The following KLRD1 variants were observed in gnomAD, a reference collection of about 807,000 sequenced individuals.
KLRD1 encodes natural killer cells antigen CD94.
Under a neutral mutation model 22.6 loss-of-function variants are expected in KLRD1, and 21 were observed. That is an observed-to-expected ratio of 0.93 (90% CI 0.66 to 1.34). The LOEUF (loss-of-function observed/expected upper bound fraction) is 1.34. Among genes scored for constraint, KLRD1 ranks in the 40% most tolerant of loss-of-function variants. KLRD1 has a pLI of 0.00. For synonymous variants in KLRD1, 59 were observed against 71.1 expected (o/e 0.83, Z 0.85); for missense variants, 183 against 208.6 (o/e 0.88, Z 0.76).
rs1565479722 is a variant in KLRD1, at chr12:10,325,594, T to G, written c.*10801T>G. The G allele has an allele frequency of 6.6e-6, 1 of 152,238 alleles. No individual in the cohort carries two copies. Among genetic ancestry groups the G allele is most frequent in the Non-Finnish European group, 1.5e-5 (1 of 68,034 alleles). 9.4% of individuals were successfully genotyped at this position (152,238 alleles called of 1,614,324 possible). A position where few individuals can be genotyped will look rare whatever the true frequency, so the allele number is the denominator to read the frequency against. ...TTTATAAGCTTGACCACTTTAGATA[T>G]TTCACGTAAGTGGAATCATATAGTA... On this transcript the variant is annotated 3_prime_UTR_variant, in exon 6 of 6. Transcript: ENST00000336164.
intron 1 of KLRD1, among the ~76,000 whole-genome samples, chr12:10,263,663 T>A (rs780784433): frequency 2.6e-5 from 4 of 152,060 alleles, no homozygotes; most frequent in Non-Finnish European, 5.9e-5. Context: ...AAGTTTCAGT[T>A]TAGTCCTGTA....
intron 1 of KLRD1, among the ~76,000 whole-genome samples, chr12:10,273,873 G>GT (rs1949569822): frequency 2.0e-5 from 3 of 152,094 alleles, no homozygotes; most frequent in African/African-American, 7.2e-5. Context: ...GCAAGGACAA[G>GT]TAGAAAGCAT....
intron 3 of KLRD1, 29 bp downstream of exon 3, chr12:10,309,717 A>G (rs764642617): frequency 4.0e-6 from 6 of 1,509,178 alleles, no homozygotes; most frequent in South Asian, 1.1e-5. Flanking sequence ...AAAACTTAGC[A>G]TTGGTAAAAG....
chr12:10,258,677 CAT>C (rs1369817513), intron 1 of KLRD1, among the ~76,000 whole-genome samples: 4 of 152,150 alleles, frequency 2.6e-5, no homozygotes, highest in Non-Finnish European at 5.9e-5. Flanking sequence ...CTTCCAAAGA[CAT>C]ATATGTCTCA....
chr12:10,303,558 A>G (rs1949884921), upstream of KLRD1, among the ~76,000 whole-genome samples: 1 of 152,188 alleles, frequency 6.6e-6, no homozygotes, highest in Non-Finnish European at 1.5e-5. Context: ...TCCTTTACAG[A>G]TGTAATTTTC....
chr12:10,310,167 A>G (rs1390847162), intron 3 of KLRD1, among the ~76,000 whole-genome samples: 2 of 152,208 alleles, frequency 1.3e-5, no homozygotes, highest in Non-Finnish European at 2.9e-5. Context: ...GCTGGAGTGC[A>G]GTGGCACGAT....
At chr12:10,239,649 C>T (rs773003876) in intron 1 of KLRD1, among the ~76,000 whole-genome samples, 4 of 143,262 alleles carry the variant, frequency 2.8e-5, no homozygotes, top group African/African-American at 5.2e-5. Flanking sequence ...TTTGTTTGTT[C>T]GTTCATTTTT....
At chr12:10,313,175 T>A (rs1230687149) in intron 4 of KLRD1, among the ~76,000 whole-genome samples, 1 of 152,144 alleles carries the variant, frequency 6.6e-6, no homozygotes, top group Non-Finnish European at 1.5e-5. Context: ...TTAGAAGGTT[T>A]TTAATTCTTC....
chr12:10,318,965 T>C lies in KLRD1; in HGVS notation c.*4172T>C, dbSNP rs1949348940. 1 of 152,154 alleles carries C rather than the reference T, an allele frequency of 6.6e-6. No homozygotes were observed. Among genetic ancestry groups the C allele is most frequent in the African/African-American group, 2.4e-5 (1 of 41,436 alleles). The allele number at this position is 152,154 out of a possible 1,614,324, so 9.4% of individuals were successfully genotyped here. Reference sequence around the variant, plus strand: ...AATTTTGGACTTTCTGAAACTTTTCTCTTTATATCCTAACGCAGGGGTTGA... The same window carrying C: ...AATTTTGGACTTTCTGAAACTTTTCCCTTTATATCCTAACGCAGGGGTTGA... On this transcript the variant is annotated 3_prime_UTR_variant, in exon 6 of 6. Coordinates refer to ENST00000336164, the MANE Select transcript of KLRD1 (RefSeq NM_002262.5).
rs546108018 is a variant in KLRD1, at chr12:10,293,180, A to G, written c.-100-14798A>G. Reference sequence around the variant, plus strand: ...TCCATATATATATACACATATACACATAATTCGCATGCTCACTGGCATAGC... The same window carrying G: ...TCCATATATATATACACATATACACGTAATTCGCATGCTCACTGGCATAGC... On this transcript the variant is annotated intron_variant, in intron 1 of 5. Coordinates refer to the KLRD1 transcript ENST00000544747. Among the ~76,000 whole-genome samples the G allele has an allele frequency of 8.4e-3, 1,128 of 133,712 alleles. 38 individuals are homozygous for G. Among genetic ancestry groups the G allele is most frequent in the African/African-American group, 0.029 (1,081 of 36,684 alleles). 87.7% of individuals were successfully genotyped at this position (133,712 alleles called of 152,430 possible). A position where few individuals can be genotyped will look rare whatever the true frequency, so the allele number is the denominator to read the frequency against.
In KLRD1 at chr12:10,318,223, G is replaced by A. The variant is rs1950271414; in HGVS notation, c.*3430G>A. 1 of 152,208 alleles carries A rather than the reference G, an allele frequency of 6.6e-6. No individual in the cohort carries two copies. The highest frequency in any genetic ancestry group is 1.5e-5 in the Non-Finnish European group (1 of 68,040). The allele number at this position is 152,208 out of a possible 1,614,324, so 9.4% of individuals were successfully genotyped here. A position where few individuals can be genotyped will look rare whatever the true frequency, so the allele number is the denominator to read the frequency against. The stretch of plus-strand genomic sequence containing the variant: ...GTGTCTGTTTTTGACTCTTGGCCAT[G>A]ATATGGGTAGTAGGCTAACTAACTA... On this transcript the variant is annotated 3_prime_UTR_variant, in exon 6 of 6. Coordinates refer to ENST00000336164, the MANE Select transcript of KLRD1 (RefSeq NM_002262.5).
chr12:10,315,244 A>G lies in KLRD1; in HGVS notation c.*451A>G, dbSNP rs1950197073. The G allele has an allele frequency of 2.3e-6, 1 of 428,422 alleles. No homozygotes were observed. The highest frequency in any genetic ancestry group is 4.7e-6 in the Non-Finnish European group (1 of 214,388). 26.5% of individuals were successfully genotyped at this position (428,422 alleles called of 1,614,324 possible). Reference sequence around the variant, plus strand: ...AGTGATCCTCCTGACTCAGCCTCCCAAGTAGCTAGGACTGCAGGCACCATG... The same window carrying G: ...AGTGATCCTCCTGACTCAGCCTCCCGAGTAGCTAGGACTGCAGGCACCATG... On this transcript the variant is annotated 3_prime_UTR_variant, in exon 6 of 6. Coordinates refer to ENST00000336164, the MANE Select transcript of KLRD1 (RefSeq NM_002262.5).
At chr12:10,274,475 A>G (rs111365814) in intron 1 of KLRD1, among the ~76,000 whole-genome samples, 1,814 of 152,280 alleles carry the variant, frequency 0.012, 35 homozygotes, top group African/African-American at 0.042. Context: ...GTCTTTTAAT[A>G]ATAATCAAAG....
chr12:10,278,266 T>C (rs1205961119), intron 1 of KLRD1, among the ~76,000 whole-genome samples: 2 of 152,200 alleles, frequency 1.3e-5, no homozygotes, highest in Non-Finnish European at 1.5e-5. Flanking sequence ...TCCAGTCTTA[T>C]CAGCCAACTC....
intron 1 of KLRD1, among the ~76,000 whole-genome samples, chr12:10,286,753 C>A (rs932940887): frequency 1.5e-5 from 2 of 136,928 alleles, no homozygotes; most frequent in African/African-American, 5.4e-5. Flanking sequence ...AAGTCATGCT[C>A]CCATCTTGGC....
chr12:10,304,405 AC>A (rs2137680121), upstream of KLRD1: 1 of 152,132 alleles, frequency 6.6e-6, no homozygotes, highest in East Asian at 1.9e-4. Context: ...GCCTCCATAA[AC>A]CCACAGATTC....
rs144774366 is a variant in KLRD1, at chr12:10,309,561, G to A, written c.101-65G>A. On this transcript the variant is annotated intron_variant, in intron 2 of 5. Transcript: ENST00000336164. ...ATAATAAAGGCTTCATCTTGCTAATGTGTAATATTTTAGTATTTCATAAAC... is the reference window on the plus strand; with the variant it reads ...ATAATAAAGGCTTCATCTTGCTAATATGTAATATTTTAGTATTTCATAAAC... The A allele has an allele frequency of 7.7e-4, 1,010 of 1,311,212 alleles. 7 individuals are homozygous for A. In the African/African-American group the frequency reaches 0.013, roughly 16 times the overall value. 81.2% of individuals were successfully genotyped at this position (1,311,212 alleles called of 1,614,324 possible). A position where few individuals can be genotyped will look rare whatever the true frequency, so the allele number is the denominator to read the frequency against.
chr12:10,245,903 T>C (rs568443433), intron 1 of KLRD1, among the ~76,000 whole-genome samples: 2 of 152,288 alleles, frequency 1.3e-5, no homozygotes, highest in South Asian at 4.1e-4. Context: ...TACTGTAACC[T>C]CGGGCTCCAG....
At chr12:10,243,879 A>G (rs1027140664) in intron 1 of KLRD1, among the ~76,000 whole-genome samples, 3 of 152,150 alleles carry the variant, frequency 2.0e-5, no homozygotes, top group African/African-American at 7.2e-5. Context: ...TTCCGTGTTT[A>G]TTTTTAATAA....
Sources: gnomAD v4.1 joint callset for allele counts (sites outside exome capture counted in the v4.1 genomes callset) on GRCh38, gnomAD v4.1.1 for gene constraint, MANE v1.5 for transcripts, NCBI Gene and HGNC (gene_info 2026-07-23, HGNC 2026-07-21) for gene names.